Variants in GOLM2 observed in about 807,000 individuals in gnomAD.
The protein encoded by GOLM2 is protein GOLM2.
GOLM2 carries 26 observed loss-of-function variants against 55.9 expected under a neutral mutation model. That is an observed-to-expected ratio of 0.47 (90% CI 0.34 to 0.65). The LOEUF (loss-of-function observed/expected upper bound fraction) is 0.65, where lower values mean the gene tolerates loss of function less well. Among genes scored for constraint, GOLM2 ranks in the 30% least tolerant of loss-of-function variants. The pLI, the probability that GOLM2 is intolerant of heterozygous loss-of-function variation, is 0.01. For missense variants in GOLM2, 486 were observed against 531.8 expected (o/e 0.91, Z 0.85); for synonymous variants, 165 against 194.6 (o/e 0.85, Z 1.27).
intron 6 of GOLM2, chr15:44,348,430 C>T (rs1165137328): frequency 6.6e-6 from 1 of 150,730 alleles, no homozygotes; most frequent in African/African-American, 2.4e-5. Context: ...CACAGTACTC[C>T]CCATGGGCCT....
chr15:44,372,363 G>GTTT (rs1259446967), intron 6 of GOLM2, among the ~76,000 whole-genome samples: 36 of 152,284 alleles, frequency 2.4e-4, no homozygotes, highest in African/African-American at 8.7e-4. Flanking sequence ...GAAATTGGAA[G>GTTT]TCTAGACAGT....
At chr15:44,379,565 C>A (rs540064473) in intron 6 of GOLM2, 125 bp from the exon 7 acceptor site, 28 of 622,656 alleles carry the variant, frequency 4.5e-5, no homozygotes, top group Non-Finnish European at 4.4e-5. Flanking sequence ...ATAAGGATTA[C>A]AAAATTAGAA....
intron 8 of GOLM2, among the ~76,000 whole-genome samples, chr15:44,391,732 C>A (rs2079491423): frequency 6.6e-6 from 1 of 152,020 alleles, no homozygotes; most frequent in Non-Finnish European, 1.5e-5. Flanking sequence ...CACTTCTATA[C>A]AAAACTGACA....
intron 6 of GOLM2, among the ~76,000 whole-genome samples, chr15:44,362,902 A>C (rs1270758726): frequency 1.3e-5 from 2 of 152,238 alleles, no homozygotes; most frequent in Admixed American, 6.5e-5. Flanking sequence ...ATCTACAGCT[A>C]TCTGATCTTT....
At chr15:44,357,873 A>G (rs983825703) in intron 6 of GOLM2, among the ~76,000 whole-genome samples, 2 of 152,208 alleles carry the variant, frequency 1.3e-5, no homozygotes, top group African/African-American at 4.8e-5. Context: ...AAGGAAAACT[A>G]CAGAACTCTA....
chr15:44,415,312 G>T lies in GOLM2; in HGVS notation c.*1906G>T, dbSNP rs908686072. 1.3e-5 allele frequency: 2 copies of T among 152,506 alleles called. No homozygotes were observed. The highest frequency in any genetic ancestry group is 2.9e-5 in the Non-Finnish European group (2 of 67,998). 9.4% of individuals were successfully genotyped at this position (152,506 alleles called of 1,614,324 possible). ...GTGATGTACATTTCGGGGGCATTAGGGTAGGGAGATGAATCAAAAAATACC... is the reference window on the plus strand; with the variant it reads ...GTGATGTACATTTCGGGGGCATTAGTGTAGGGAGATGAATCAAAAAATACC... On this transcript the variant is annotated 3_prime_UTR_variant, in exon 10 of 10. Coordinates refer to ENST00000299957, the MANE Select transcript of GOLM2 (RefSeq NM_138423.4).
intron 8 of GOLM2, among the ~76,000 whole-genome samples, chr15:44,394,396 G>T (rs913824426): frequency 6.6e-6 from 1 of 152,188 alleles, no homozygotes; most frequent in African/African-American, 2.4e-5. Flanking sequence ...GATAGTATAG[G>T]TTTGCCTTGG....
At chr15:44,335,131 G>T (rs1244532092) in intron 4 of GOLM2, among the ~76,000 whole-genome samples, 1 of 152,160 alleles carries the variant, frequency 6.6e-6, no homozygotes, top group Admixed American at 6.5e-5. Context: ...TGAAATCTAA[G>T]TAAGTCTGGA....
At position 44,317,249 on chromosome 15, in the gene GOLM2, T is replaced by C. The variant is rs149034302; in HGVS notation, c.328-5716T>C. On this transcript the variant is annotated intron_variant, in intron 1 of 9. Coordinates refer to ENST00000299957, the MANE Select transcript of GOLM2 (RefSeq NM_138423.4). ...AAAATTATCTGGGCGTGGTAGCACA[T>C]GCCTGTGGTCCCAGCTACTTGGGAG... 2.0e-3 allele frequency among the ~76,000 whole-genome samples: 300 copies of C among 152,192 alleles called. 1 individual carries two copies. The highest frequency in any genetic ancestry group is 6.8e-3 in the African/African-American group (284 of 41,536).
chr15:44,304,230 CTTTTTTTTTTTTTTTTT>C (rs895623812), intron 1 of GOLM2, among the ~76,000 whole-genome samples: 1 of 82,874 alleles, frequency 1.2e-5, no homozygotes, highest in Admixed American at 1.3e-4. Flanking sequence ...GGCTCCACTT[CTTTTTTTTTTTTTTTTT>C]TTTTTTTTTT....
rs966847929 is a variant in GOLM2 at position 44,299,002 on chromosome 15, C to T, written c.327+9646C>T. Among the ~76,000 whole-genome samples the T allele has an allele frequency of 4.6e-5, 7 of 152,190 alleles. No individual in the cohort carries two copies. The South Asian group carries it at 6.2e-4, about 14-fold the overall frequency. ...AGACACACAGACACATTGCAGAGAC[C>T]GCATGGCAGATAAAGGCAGAGATTG... is the stretch of plus-strand genomic sequence containing the variant. On this transcript the variant is annotated intron_variant, in intron 1 of 9. Transcript: ENST00000299957.
At chr15:44,333,024 C>CTGGG (rs963010394) in intron 4 of GOLM2, among the ~76,000 whole-genome samples, 2 of 152,174 alleles carry the variant, frequency 1.3e-5, no homozygotes, top group African/African-American at 4.8e-5. Context: ...GCCCCGCCTC[C>CTGGG]TGGGTTCACG....
At chr15:44,385,371 C>T (rs1321346403) in intron 8 of GOLM2, among the ~76,000 whole-genome samples, 1 of 130,070 alleles carries the variant, frequency 7.7e-6, no homozygotes, top group Non-Finnish European at 1.6e-5. Flanking sequence ...TTCCTCCCTT[C>T]CTTCCTTCCC....
chr15:44,335,443 A>G (rs1458422658), intron 4 of GOLM2, among the ~76,000 whole-genome samples: 2 of 152,140 alleles, frequency 1.3e-5, no homozygotes, highest in Non-Finnish European at 2.9e-5. Flanking sequence ...TTTGTTAACT[A>G]TTTTCAATGG....
intron 1 of GOLM2, among the ~76,000 whole-genome samples, chr15:44,299,542 C>T (rs1296468618): frequency 6.6e-6 from 1 of 152,074 alleles, no homozygotes; most frequent in South Asian, 2.1e-4. Context: ...ATCCGCCCGC[C>T]TCGGCCTCCC....
intron 4 of GOLM2, among the ~76,000 whole-genome samples, chr15:44,334,888 G>A (rs7164869): frequency 6.6e-6 from 1 of 152,070 alleles, no homozygotes; most frequent in African/African-American, 2.4e-5. Flanking sequence ...AAAGTTATCC[G>A]GGCATGGTGG....
intron 9 of GOLM2, among the ~76,000 whole-genome samples, chr15:44,404,051 C>G (rs1210539257): frequency 6.6e-6 from 1 of 152,090 alleles, no homozygotes; most frequent in East Asian, 1.9e-4. Flanking sequence ...GTGTTTTACT[C>G]TATTACAAGT....
intron 6 of GOLM2, among the ~76,000 whole-genome samples, chr15:44,379,485 A>G (rs1476547271): frequency 6.7e-6 from 1 of 150,022 alleles, no homozygotes; most frequent in East Asian, 1.9e-4. Context: ...CCCCCCACCA[A>G]AAAAAAAAAT....
chr15:44,303,193 G>A (rs1370041944), intron 1 of GOLM2, among the ~76,000 whole-genome samples: 2 of 152,036 alleles, frequency 1.3e-5, no homozygotes, highest in East Asian at 3.8e-4. Flanking sequence ...TATTCCCTAT[G>A]TCTGGACTCA....
Sources: gnomAD v4.1 joint callset for allele counts (sites outside exome capture counted in the v4.1 genomes callset) on GRCh38, gnomAD v4.1.1 for gene constraint, MANE v1.5 for transcripts, NCBI Gene and HGNC (gene_info 2026-07-23, HGNC 2026-07-21) for gene names.